LRFN5: variants seen among roughly 807,000 people sequenced by gnomAD.
LRFN5 encodes the protein leucine-rich repeat and fibronectin type-III domain-containing protein 5.
Under a neutral mutation model 45.6 loss-of-function variants are expected in LRFN5, and 24 were observed. The ratio of observed to expected loss-of-function variants is 0.53; its 90% CI spans 0.38 to 0.74. The LOEUF (loss-of-function observed/expected upper bound fraction) is 0.74, where lower values mean the gene tolerates loss of function less well. LRFN5 is among the 30% of genes least tolerant of loss of function. The pLI is 0.00. For missense variants in LRFN5, 776 were observed against 861.5 expected (o/e 0.90, Z 1.24); for synonymous variants, 340 against 313.8 (o/e 1.08, Z -0.88).
At chr14:41,798,497 G>A (rs1047806963) in intron 2 of LRFN5, among the ~76,000 whole-genome samples, 1 of 151,950 alleles carries the variant, frequency 6.6e-6, no homozygotes, top group African/African-American at 2.4e-5. Context: ...GGCAAAGTAG[G>A]CAAAATTCCT....
At chr14:41,732,918 A>G (rs1884242452) in intron 1 of LRFN5, among the ~76,000 whole-genome samples, 1 of 148,570 alleles carries the variant, frequency 6.7e-6, no homozygotes, top group Non-Finnish European at 1.5e-5. Flanking sequence ...AATATCTTAT[A>G]GCTAAAAAGT....
At chr14:41,772,995 A>G (rs972107416) in intron 2 of LRFN5, among the ~76,000 whole-genome samples, 1 of 152,108 alleles carries the variant, frequency 6.6e-6, no homozygotes, top group Non-Finnish European at 1.5e-5. Context: ...CGATGTATCT[A>G]TTTTGCTTAT....
chr14:41,670,167 GTATA>G (rs1881108569), intron 1 of LRFN5, among the ~76,000 whole-genome samples: 2 of 139,308 alleles, frequency 1.4e-5, no homozygotes, highest in East Asian at 4.3e-4. Flanking sequence ...TACATTCTGT[GTATA>G]TATACACATT....
chr14:41,746,371 CA>C (rs1240032372), intron 1 of LRFN5, among the ~76,000 whole-genome samples: 1 of 151,754 alleles, frequency 6.6e-6, no homozygotes, highest in Admixed American at 6.6e-5. Flanking sequence ...TCATGTATGA[CA>C]AAAAATACAG....
chr14:41,827,851 C>T (rs1320706250), intron 2 of LRFN5, among the ~76,000 whole-genome samples: 1 of 151,978 alleles, frequency 6.6e-6, no homozygotes, highest in African/African-American at 2.4e-5. Flanking sequence ...TCATTTACAT[C>T]TTTCTGTTCT....
At position 41,887,249 on chromosome 14, in the gene LRFN5, G is replaced by A; in HGVS notation, c.624G>A (p.Gln208=). 4 of 1,614,182 alleles carry A rather than the reference G, an allele frequency of 2.5e-6. No individual in the cohort carries two copies. Among genetic ancestry groups the A allele is most frequent in the Non-Finnish European group, 3.4e-6 (4 of 1,180,036 alleles). ...TRLDVTSNKL[Q]KLPPDPLFQR... is the part of the protein sequence containing the mutation. ...TAGATGTGACATCAAATAAATTGCAGAAGCTACCACCTGACCCTCTCTTTC... is the reference window on the plus strand; with the variant it reads ...TAGATGTGACATCAAATAAATTGCAAAAGCTACCACCTGACCCTCTCTTTC... Residue 208 remains glutamine (Q), a synonymous_variant, in exon 3 of 6, where the codon CAG becomes CAA. Coordinates refer to ENST00000298119, the MANE Select transcript of LRFN5 (RefSeq NM_152447.5). This position sits in a 1 kb window ranked among gnomAD's most constrained non-coding sequence, Gnocchi z 4.8.
At chr14:41,734,344 A>ATATATATATATATATATATATATAATT (rs1428416141) in intron 1 of LRFN5, among the ~76,000 whole-genome samples, 1 of 105,982 alleles carries the variant, frequency 9.4e-6, no homozygotes, top group Non-Finnish European at 2.0e-5. Context: ...ATATATATAT[A>ATATATATATATATATATATATATAATT]TTTAAATTTG....
At chr14:41,899,537 A>G (rs1348886781) in intron 5 of LRFN5, among the ~76,000 whole-genome samples, 3 of 152,082 alleles carry the variant, frequency 2.0e-5, no homozygotes, top group Non-Finnish European at 4.4e-5. Context: ...TGAAATGAGT[A>G]TTTGATTCTT....
At chr14:41,881,623 G>C (rs930719048) in intron 2 of LRFN5, among the ~76,000 whole-genome samples, 5 of 151,244 alleles carry the variant, frequency 3.3e-5, no homozygotes, top group Admixed American at 6.6e-5. Context: ...TTTCTGAGAG[G>C]GATTAAAATT....
chr14:41,811,394 A>G (rs1020192707), intron 2 of LRFN5, among the ~76,000 whole-genome samples: 4 of 152,088 alleles, frequency 2.6e-5, no homozygotes, highest in East Asian at 1.9e-4. Flanking sequence ...ATGACTAGAT[A>G]TGACCCAGCA....
At position 41,891,912 on chromosome 14, in the gene LRFN5, C is replaced by T; in HGVS notation, c.2048C>T (p.Pro683Leu). The change falls in exon 4 of 6, where the codon CCC becomes CTC. Residue 683 changes from proline to leucine, a missense_variant. By Grantham distance (98) the Pro-to-Leu change is moderately conservative. Coordinates refer to ENST00000298119, the MANE Select transcript of LRFN5 (RefSeq NM_152447.5). ...STALQLASRP[P>L]DSVTEGPTSK... ...GCCTTGCAGTTAGCTAGCCGTCCTCCCGATTCTGTCACAGAGGGGCCCACG... is the reference window on the plus strand; with the variant it reads ...GCCTTGCAGTTAGCTAGCCGTCCTCTCGATTCTGTCACAGAGGGGCCCACG... The T allele has an allele frequency of 1.2e-6, 2 of 1,614,110 alleles. No individual in the cohort carries two copies. Among genetic ancestry groups the T allele is most frequent in the Non-Finnish European group, 1.7e-6 (2 of 1,180,020 alleles).
intron 1 of LRFN5, among the ~76,000 whole-genome samples, chr14:41,616,825 T>G (rs1703467437): frequency 6.6e-6 from 1 of 152,114 alleles, no homozygotes; most frequent in African/African-American, 2.4e-5. Context: ...TCTTAATGAC[T>G]CCTTCAATAT....
chr14:41,739,592 A>G (rs547224896), intron 1 of LRFN5, among the ~76,000 whole-genome samples: 1 of 152,240 alleles, frequency 6.6e-6, no homozygotes, highest in African/African-American at 2.4e-5. Context: ...TTTTATAACA[A>G]TAAACACCTA....
chr14:41,782,941 A>G (rs1430591598), intron 2 of LRFN5, among the ~76,000 whole-genome samples: 7 of 145,964 alleles, frequency 4.8e-5, no homozygotes, highest in African/African-American at 1.8e-4. Flanking sequence ...TCTCTTGGCT[A>G]TAATCTTTAC....
intron 2 of LRFN5, among the ~76,000 whole-genome samples, chr14:41,858,360 G>A (rs914806825): frequency 2.0e-5 from 3 of 151,930 alleles, no homozygotes; most frequent in Non-Finnish European, 2.9e-5. Context: ...CTTTAGACAC[G>A]CATTCTCTCA....
At chr14:41,784,914 C>A (rs377171776) in intron 2 of LRFN5, among the ~76,000 whole-genome samples, 22 of 152,242 alleles carry the variant, frequency 1.4e-4, no homozygotes, top group African/African-American at 5.1e-4. Flanking sequence ...CAGGCTTGAG[C>A]CACCTTGCCT....
At chr14:41,707,893 A>G (rs1220789877) in intron 1 of LRFN5, among the ~76,000 whole-genome samples, 1 of 152,070 alleles carries the variant, frequency 6.6e-6, no homozygotes, top group Non-Finnish European at 1.5e-5. Context: ...CTTGGCCCCT[A>G]AATGACTAGT....
rs1329380138 is a variant in LRFN5 at position 41,892,098 on chromosome 14, T to G, written c.2098+136T>G. 3 of 1,448,260 alleles carry G rather than the reference T, an allele frequency of 2.1e-6. No homozygotes were observed. The African/African-American group carries it at 4.3e-5, about 21-fold the overall frequency. The allele number at this position is 1,448,260 out of a possible 1,614,324, so 89.7% of individuals were successfully genotyped here. A position where few individuals can be genotyped will look rare whatever the true frequency, so the allele number is the denominator to read the frequency against. On this transcript the variant is annotated intron_variant, in intron 4 of 5. Transcript: ENST00000298119. ...CTGTTTCCTAAAAGAAGCATGTCTA[T>G]GAATGTGATGTTTATTCAGTCTGAC...
intron 1 of LRFN5, among the ~76,000 whole-genome samples, chr14:41,677,589 T>G (rs1011283199): frequency 1.3e-5 from 2 of 152,142 alleles, no homozygotes; most frequent in African/African-American, 4.8e-5. Context: ...ATTCTGAAGT[T>G]GAAATGTAAT....
Sources: allele counts gnomAD v4.1 joint callset (sites outside exome capture counted in the v4.1 genomes callset), GRCh38; gene constraint gnomAD v4.1.1; non-coding constraint Gnocchi (gnomAD v3.1); transcripts MANE v1.5; gene names NCBI Gene and HGNC (gene_info 2026-07-23, HGNC 2026-07-21).